The following CTNND2 variants were observed in gnomAD, a reference collection of about 807,000 sequenced individuals.
CTNND2 encodes catenin delta 2, also known as catenin delta-2.
Under a neutral mutation model 144.4 loss-of-function variants are expected in CTNND2, and 22 were observed. The ratio of observed to expected loss-of-function variants is 0.15; its 90% CI spans 0.11 to 0.22. CTNND2 has a LOEUF of 0.22. Among genes scored for constraint, CTNND2 ranks in the 10% least tolerant of loss-of-function variants. The pLI is 1.00. For missense variants in CTNND2, 1,353 were observed against 1,618.8 expected (o/e 0.84, Z 2.82); for synonymous variants, 751 against 695.6 (o/e 1.08, Z -1.25).
intron 9 of CTNND2, among the ~76,000 whole-genome samples, chr5:11,284,611 G>T (rs1212329534): frequency 6.6e-6 from 1 of 152,182 alleles, no homozygotes; most frequent in Non-Finnish European, 1.5e-5. Flanking sequence ...TTTTATGGCT[G>T]CGTAGTATTC....
In CTNND2 at chr5:11,412,057, C is replaced by T; in HGVS notation, c.300G>A (p.Glu100=). The change falls in exon 4 of 22, where the codon GAG becomes GAA. Residue 100 remains glutamate, a synonymous_variant. Transcript: ENST00000304623. The part of the protein sequence containing the change: ...GSMSSMSSAE[E]QFQWQSQDGQ... Reference sequence around the variant, plus strand: ...TACCTTGTGACTGCCACTGAAACTGCTCTTCTGCTGAACTGTAAAAAAGAA... The same window carrying T: ...TACCTTGTGACTGCCACTGAAACTGTTCTTCTGCTGAACTGTAAAAAAGAA... The T allele has an allele frequency of 1.2e-6, 2 of 1,611,344 alleles. No individual in the cohort carries two copies. Among genetic ancestry groups the T allele is most frequent in the Non-Finnish European group, 1.7e-6 (2 of 1,177,768 alleles).
chr5:11,222,546 C>T (rs1214408672), intron 10 of CTNND2, among the ~76,000 whole-genome samples: 2 of 152,174 alleles, frequency 1.3e-5, no homozygotes, highest in East Asian at 1.9e-4. Context: ...TGGCTCACGC[C>T]TGTATTCTCA....
At chr5:11,369,488 T>C (rs61382050) in intron 7 of CTNND2, among the ~76,000 whole-genome samples, 13 of 152,312 alleles carry the variant, frequency 8.5e-5, no homozygotes, top group African/African-American at 1.9e-4. Flanking sequence ...AACAAAACAA[T>C]GTATTTATTA....
intron 9 of CTNND2, among the ~76,000 whole-genome samples, chr5:11,340,774 G>A (rs1034881751): frequency 2.6e-5 from 4 of 152,172 alleles, no homozygotes; most frequent in Non-Finnish European, 4.4e-5. Flanking sequence ...AGAAACACGA[G>A]ACTGAAAGTC....
chr5:11,662,269 G>GTATATATATACATATATA, intron 2 of CTNND2, among the ~76,000 whole-genome samples: 2 of 116,174 alleles, frequency 1.7e-5, no homozygotes, highest in African/African-American at 4.4e-5. Flanking sequence ...ATATGTGTGT[G>GTATATATATACATATATA]TGTGTATATA....
At chr5:11,856,286 G>C (rs796433522) in intron 1 of CTNND2, among the ~76,000 whole-genome samples, 40 of 152,312 alleles carry the variant, frequency 2.6e-4, no homozygotes, top group African/African-American at 9.4e-4. Flanking sequence ...GGCAAGATCA[G>C]AACAGGAGTT....
At chr5:11,034,953 T>C (rs979173011) in intron 16 of CTNND2, among the ~76,000 whole-genome samples, 1 of 151,732 alleles carries the variant, frequency 6.6e-6, no homozygotes, top group East Asian at 1.9e-4. Flanking sequence ...ACATGTGCCA[T>C]GCTGGTGCGC....
At chr5:11,760,797 GTT>G (rs5865963) in intron 1 of CTNND2, among the ~76,000 whole-genome samples, 5 of 151,792 alleles carry the variant, frequency 3.3e-5, no homozygotes, top group East Asian at 1.9e-4. Context: ...CATTTATGTA[GTT>G]TTTTTTTAAT....
At position 11,364,778 on chromosome 5, in the gene CTNND2, C is replaced by CTGATAGACGCGGTCT; in HGVS notation, c.1275_1289dup (p.Asp426_Gln430dup). 6.2e-7 allele frequency: 1 copy of CTGATAGACGCGGTCT among 1,613,918 alleles called. No individual in the cohort carries two copies. The highest frequency in any genetic ancestry group is 8.5e-7 in the Non-Finnish European group (1 of 1,179,948). On this transcript the variant is annotated inframe_insertion, in exon 8 of 22. Coordinates refer to ENST00000304623, the MANE Select transcript of CTNND2 (RefSeq NM_001332.4). ...GGCTGAGACTCCTCATAGGGGGCTT[C>CTGATAGACGCGGTCT]TGATAGACGCGGTCTTCATAGATGG...
At chr5:11,777,610 TG>T (rs1156922417) in intron 1 of CTNND2, among the ~76,000 whole-genome samples, 3 of 151,894 alleles carry the variant, frequency 2.0e-5, no homozygotes, top group Admixed American at 1.3e-4. Flanking sequence ...ATTTGGGAAA[TG>T]GGGGGGCTTC....
At chr5:11,901,821 A>C (rs988354016) in intron 1 of CTNND2, among the ~76,000 whole-genome samples, 1 of 152,198 alleles carries the variant, frequency 6.6e-6, no homozygotes, top group African/African-American at 2.4e-5. Context: ...ACAGAGCAGT[A>C]TCAACTAGTC....
chr5:11,090,008 C>CA (rs1259213706), intron 15 of CTNND2, among the ~76,000 whole-genome samples: 2 of 151,452 alleles, frequency 1.3e-5, no homozygotes, highest in South Asian at 2.1e-4. Flanking sequence ...AACTCTGTCT[C>CA]AAAAAAAATA....
chr5:11,846,508 G>A (rs1405251564), intron 1 of CTNND2, among the ~76,000 whole-genome samples: 1 of 152,052 alleles, frequency 6.6e-6, no homozygotes, highest in Non-Finnish European at 1.5e-5. Flanking sequence ...AATCATAGTG[G>A]ATCAATGCTT....
chr5:11,824,300 C>G (rs1269566882), intron 1 of CTNND2, among the ~76,000 whole-genome samples: 1 of 152,086 alleles, frequency 6.6e-6, no homozygotes, highest in African/African-American at 2.4e-5. Flanking sequence ...ATTCAATCAA[C>G]AAGTGTAAAA....
intron 1 of CTNND2, among the ~76,000 whole-genome samples, chr5:11,733,194 C>A (rs1787490712): frequency 6.6e-6 from 1 of 152,170 alleles, no homozygotes; most frequent in African/African-American, 2.4e-5. Flanking sequence ...GGAACCCCAG[C>A]TGAAGCCTGT....
intron 11 of CTNND2, among the ~76,000 whole-genome samples, chr5:11,194,131 CAGAT>C (rs1396478213): frequency 6.6e-6 from 1 of 152,042 alleles, no homozygotes; most frequent in Non-Finnish European, 1.5e-5. Context: ...GGTGAGCTGA[CAGAT>C]GGAGCTCAGG....
intron 9 of CTNND2, among the ~76,000 whole-genome samples, chr5:11,338,475 T>C (rs1753936686): frequency 6.6e-6 from 1 of 152,186 alleles, no homozygotes; most frequent in African/African-American, 2.4e-5. Flanking sequence ...AAGAGGCTCG[T>C]TCCCTAGAGG....
chr5:11,301,395 T>G (rs1749590487), intron 9 of CTNND2, among the ~76,000 whole-genome samples: 1 of 152,076 alleles, frequency 6.6e-6, no homozygotes, highest in African/African-American at 2.4e-5. Flanking sequence ...TGAAATGAAC[T>G]AGGGAAAAAA....
At chr5:11,312,561 C>T (rs258838) in intron 9 of CTNND2, among the ~76,000 whole-genome samples, 107,060 of 151,784 alleles carry the variant, frequency 0.71, 40,152 homozygotes, top group Middle Eastern at 0.89. Flanking sequence ...AATTACCTTC[C>T]CCTGGGTCCC....
Sources: allele counts gnomAD v4.1 joint callset (sites outside exome capture counted in the v4.1 genomes callset), GRCh38; gene constraint gnomAD v4.1.1; transcripts MANE v1.5; gene names NCBI Gene and HGNC (gene_info 2026-07-23, HGNC 2026-07-21).